Variants in NEB observed in about 807,000 individuals in gnomAD.
NEB encodes nemaline myopathy type 2.
NEB carries 512 observed loss-of-function variants against 952.2 expected under a neutral mutation model. The ratio of observed to expected loss-of-function variants is 0.54; its 90% CI spans 0.50 to 0.58. NEB has a LOEUF of 0.58. NEB is among the 20% of genes least tolerant of loss of function. NEB has a pLI of 0.00. For missense variants in NEB, 8,428 were observed against 9,231.1 expected, an observed-to-expected ratio of 0.91 and a Z score of 3.56; for synonymous variants, 2,900 against 3,149.8, an observed-to-expected ratio of 0.92 and a Z score of 2.66.
At position 151,688,333 on chromosome 2, in the gene NEB, G is replaced by A; in HGVS notation, c.2374C>T (p.Gln792Ter). Reference sequence around the variant, plus strand: ...GCATTGACTCTGTGTTGGATAAACTGTGGAGCATCTGCTGGTATATGGCAC... The same window carrying A: ...GCATTGACTCTGTGTTGGATAAACTATGGAGCATCTGCTGGTATATGGCAC... ...FKCHIPADAP[Q>*]FIQHRVNAYN... The change falls in exon 25 of 182, where the codon CAG (glutamine) becomes TAG (stop). Residue 792 changes from glutamine to a stop codon, truncating the protein, a stop_gained. Coordinates refer to ENST00000397345, the MANE Select transcript of NEB (RefSeq NM_001164508.2). LOFTEE classifies it high-confidence loss of function. 1 of 1,613,904 alleles carries A rather than the reference G, an allele frequency of 6.2e-7. No homozygotes were observed. The highest frequency in any genetic ancestry group is 1.1e-5 in the South Asian group (1 of 91,080).
At chr2:151,551,663 A>C in intron 129 of NEB, 75 bp downstream of exon 129, 2 of 1,158,652 alleles carry the variant, frequency 1.7e-6, no homozygotes, top group Admixed American at 4.3e-5. Context: ...GTCAAGAGGA[A>C]GCAAGCTCAG....
chr2:151,615,756 A>T, intron 76 of NEB: 1 of 363,674 alleles, frequency 2.7e-6, no homozygotes, highest in Non-Finnish European at 4.9e-6. Flanking sequence ...ATATGAACCC[A>T]TTTTTGGTGT....
At chr2:151,625,700 A>G in intron 70 of NEB, 62 bp from the exon 71 acceptor site, 1 of 1,143,158 alleles carries the variant, frequency 8.7e-7, no homozygotes, top group Non-Finnish European at 1.2e-6. Flanking sequence ...GGAGTTTTCA[A>G]TTAAGACACC....
Position 151,677,662 on chromosome 2 carries a change from T to A in NEB, c.3677A>T (p.Lys1226Met). The A allele has an allele frequency of 6.2e-7, 1 of 1,614,004 alleles. No individual in the cohort carries two copies. Among genetic ancestry groups the A allele is most frequent in the Non-Finnish European group, 8.5e-7 (1 of 1,179,878 alleles). Residue 1226 changes from lysine to methionine, a missense_variant, in exon 34 of 182, where the codon AAG (lysine) becomes ATG (methionine). Transcript: ENST00000397345. ...VKKAGDALNE[K>M]KYRQHPDTLK... ...GGTGTCTGGATGTTGCCTGTACTTC[T>A]TTTCATTCAGAGCATCACCGGCCTT...
In NEB at chr2:151,679,968, C is replaced by G; in HGVS notation, c.3097G>C (p.Asp1033His). The change falls in exon 31 of 182, where the codon GAC becomes CAC. Residue 1033 changes from aspartate (D) to histidine (H), a missense_variant. This residue lies in a region of NEB where 2,851 missense variants were observed against 2,791.5 expected (regional missense o/e 1.02). Coordinates refer to ENST00000397345, the MANE Select transcript of NEB (RefSeq NM_001164508.2). ...TTAGCCTGGATGAACTGGGGCAGGTCTGGTGGCAGGTTGTATTTGTGAATA... is the reference window on the plus strand; with the variant it reads ...TTAGCCTGGATGAACTGGGGCAGGTGTGGTGGCAGGTTGTATTTGTGAATA... ...EIIHKYNLPP[D>H]LPQFIQAKVN... The G allele has an allele frequency of 6.2e-7, 1 of 1,613,802 alleles. No homozygotes were observed. The highest frequency in any genetic ancestry group is 8.5e-7 in the Non-Finnish European group (1 of 1,179,736).
Position 151,724,323 on chromosome 2 carries a change from G to A in NEB, c.549C>T (p.Tyr183=), listed in dbSNP as rs2099784115. The change falls in exon 8 of 182, where the codon TAC becomes TAT. Residue 183 remains tyrosine (Y), a synonymous_variant. Transcript: ENST00000397345. ...KQNWEDTKDK[Y]LLPPDAPELV... ...GTTCAGGGGCATCAGGAGGAAGCAG[G>A]TACTTATCCTTGGTGTCTTCCCAGT... is the stretch of plus-strand genomic sequence containing the variant. 1 of 1,613,048 alleles carries A rather than the reference G, an allele frequency of 6.2e-7. No homozygotes were observed.
rs75346830 is a variant in NEB, at chr2:151,722,126, G to A, written c.717+1256C>T. On this transcript the variant is annotated intron_variant, in intron 9 of 181. Transcript: ENST00000397345. ...AGTAAATCCCAATCAGTCTGAACTG[G>A]CTTACTAAGTCCAAATTGAGTATAA... Among the ~76,000 whole-genome samples, 753 of 152,282 alleles carry A rather than the reference G, an allele frequency of 4.9e-3. 33 individuals are homozygous for A. In the East Asian group the frequency reaches 0.099, roughly 20 times the overall value.
At chr2:151,691,123 G>A (rs928187433) in intron 23 of NEB, among the ~76,000 whole-genome samples, 3 of 152,072 alleles carry the variant, frequency 2.0e-5, no homozygotes, top group Non-Finnish European at 4.4e-5. Context: ...TCAACTGCAC[G>A]TTGGCTTATG....
rs778244941 is a variant in NEB, at chr2:151,516,471, C to T, written c.22893G>A (p.Gln7631=). 1 of 1,611,146 alleles carries T rather than the reference C, an allele frequency of 6.2e-7. No homozygotes were observed. The highest frequency in any genetic ancestry group is 8.5e-7 in the Non-Finnish European group (1 of 1,177,602). ...TTTTTTGACTTACCCCACTCTGCAT[C>T]TGCTGAGACTCTTTGGCAGTGATGT... is the stretch of plus-strand genomic sequence containing the variant. ...PTYITAKESQ[Q]MQSGKEYRKD... The change falls in exon 157 of 182, where the codon CAG becomes CAA. Residue 7631 remains glutamine (Q), a synonymous_variant. Coordinates refer to ENST00000397345, the MANE Select transcript of NEB (RefSeq NM_001164508.2).
chr2:151,667,321 CAA>C (rs2154181490), intron 40 of NEB, among the ~76,000 whole-genome samples: 1 of 151,900 alleles, frequency 6.6e-6, no homozygotes, highest in African/African-American at 2.4e-5. Context: ...AAGTTCATAA[CAA>C]TGATACTAAT....
In NEB at chr2:151,607,546, C is replaced by T. The variant is rs763783436; in HGVS notation, c.12597G>A (p.Pro4199=). The T allele has an allele frequency of 8.6e-5, 60 of 701,504 alleles. 6 individuals carry two copies. Among genetic ancestry groups the T allele is most frequent in the African/African-American group, 5.1e-4 (31 of 61,136 alleles). 43.5% of individuals were successfully genotyped at this position (701,504 alleles called of 1,614,324 possible). A position where few individuals can be genotyped will look rare whatever the true frequency, so the allele number is the denominator to read the frequency against. ...KSNITIPSDT[P]EMLQAHINAL... ...CATTGATGTGGGCCTGCAGCATCTC[C>T]GGAGTATCAGAAGGAATGGTGATGT... The change falls in exon 83 of 182, where the codon CCG becomes CCA. Residue 4199 remains proline (P), a synonymous_variant. Coordinates refer to ENST00000397345, the MANE Select transcript of NEB (RefSeq NM_001164508.2).
chr2:151,513,749 A>G, intron 159 of NEB, 56 bp from the exon 160 acceptor site: 1 of 1,180,956 alleles, frequency 8.5e-7, no homozygotes, highest in Non-Finnish European at 1.2e-6. Context: ...ACTAGGTAAT[A>G]AACATACAGG....
chr2:151,579,053 C>G (rs1337432293), intron 105 of NEB, among the ~76,000 whole-genome samples: 3 of 133,932 alleles, frequency 2.2e-5, no homozygotes, highest in Non-Finnish European at 4.6e-5. Flanking sequence ...TGCACTCCAG[C>G]CTGGGTGACA....
intron 163 of NEB, 67 bp downstream of exon 163, chr2:151,506,842 T>C (rs1158278229): frequency 9.7e-7 from 1 of 1,026,072 alleles, no homozygotes; most frequent in Non-Finnish European, 1.5e-6. Flanking sequence ...ATAAGGCTAG[T>C]ATATTTTTAA....
At chr2:151,566,895 A>C (rs1479581555) in intron 114 of NEB, among the ~76,000 whole-genome samples, 2 of 152,176 alleles carry the variant, frequency 1.3e-5, no homozygotes, top group African/African-American at 4.8e-5. Flanking sequence ...TGTGAATGTG[A>C]GTGAGGAGTT....
chr2:151,499,793 C>A, intron 168 of NEB, among the ~76,000 whole-genome samples: 1 of 152,162 alleles, frequency 6.6e-6, no homozygotes, highest in East Asian at 1.9e-4. Flanking sequence ...CAAATCTATG[C>A]AATATGGCAA....
In NEB at chr2:151,546,994, C is replaced by G. The variant is rs554733664; in HGVS notation, c.20367+435G>C. The stretch of plus-strand genomic sequence containing the variant: ...CTATAACATTGATTGGAGAAAAGAA[C>G]AGATTGAATGGATTGGTCTTTTAGG... On this transcript the variant is annotated intron_variant, in intron 133 of 181. Transcript: ENST00000397345. 5.3e-5 allele frequency among the ~76,000 whole-genome samples: 8 copies of G among 152,108 alleles called. No homozygotes were observed. In the South Asian group the frequency reaches 1.7e-3, roughly 32 times the overall value.
intron 36 of NEB, 29 bp downstream of exon 36, chr2:151,674,448 C>A (rs751900587): frequency 6.4e-7 from 1 of 1,564,192 alleles, no homozygotes; most frequent in Admixed American, 1.7e-5. Context: ...AAGGCAAACA[C>A]CTAAACTTCA....
rs1313718490 is a variant in NEB, at chr2:151,496,846, T to C, written c.24393+95A>G. 4 of 1,351,312 alleles carry C rather than the reference T, an allele frequency of 3.0e-6. No individual in the cohort carries two copies. In the Admixed American group the frequency reaches 9.3e-5, roughly 31 times the overall value. 83.7% of individuals were successfully genotyped at this position (1,351,312 alleles called of 1,614,324 possible). On this transcript the variant is annotated intron_variant, in intron 172 of 181. Transcript: ENST00000397345. Reference sequence around the variant, plus strand: ...TGCTAAAGAAAGAAGTTCACAAAATTTGTCTTTAGAAAATAGGATTAATAT... The same window carrying C: ...TGCTAAAGAAAGAAGTTCACAAAATCTGTCTTTAGAAAATAGGATTAATAT...
Sources: allele counts gnomAD v4.1 joint callset (sites outside exome capture counted in the v4.1 genomes callset), GRCh38; gene constraint gnomAD v4.1.1; regional missense constraint gnomAD v4.1.1; transcripts MANE v1.5; gene names NCBI Gene and HGNC (gene_info 2026-07-23, HGNC 2026-07-21).